Variants in PCDHA9 observed in about 807,000 individuals in gnomAD.
The protein encoded by PCDHA9 is protocadherin alpha 9.
Under a neutral mutation model 62.0 loss-of-function variants are expected in PCDHA9, and 62 were observed. The observed-to-expected ratio is 1.00, with a 90% CI of 0.81 to 1.23. PCDHA9 has a LOEUF of 1.23. PCDHA9 is among the 50% of genes most tolerant of loss of function. PCDHA9 has a pLI of 0.00. For synonymous variants in PCDHA9, 557 were observed against 567.6 expected, an observed-to-expected ratio of 0.98 and a Z score of 0.27; for missense variants, 1,205 against 1,249.8, an observed-to-expected ratio of 0.96 and a Z score of 0.54.
intron 1 of PCDHA9, chr5:140,857,954 C>G: frequency 6.3e-7 from 1 of 1,597,286 alleles, no homozygotes; most frequent in South Asian, 1.1e-5. Flanking sequence ...GACGCGCGCT[C>G]TGGATGAGAC....
chr5:140,850,733 G>T lies in PCDHA9; in HGVS notation c.2238G>T (p.Gly746=), dbSNP rs2150496499. 6.3e-7 allele frequency: 1 copy of T among 1,598,010 alleles called. No individual in the cohort carries two copies. The highest frequency in any genetic ancestry group is 2.2e-5 in the East Asian group (1 of 44,848). The change falls in exon 1 of 4, where the codon GGG becomes GGT. Residue 746 remains glycine, a synonymous_variant. Coordinates refer to ENST00000532602, the MANE Select transcript of PCDHA9 (RefSeq NM_031857.2). ...KPTLVCSSAV[G]SWSYSQQRRQ... ...CGCTGGTGTGTTCTAGCGCGGTGGG[G>T]AGTTGGTCGTACTCGCAGCAGAGGA... is the stretch of plus-strand genomic sequence containing the variant.
rs538135807 is a variant in PCDHA9, at chr5:140,873,663, T to C, written c.2394+22774T>C. On this transcript the variant is annotated intron_variant, in intron 1 of 3. Transcript: ENST00000532602. ...GTGAGAACTACATAACACACTATTA[T>C]TATTTGTTTCTTTTTGAGATAGAGT... Among the ~76,000 whole-genome samples the C allele has an allele frequency of 3.3e-5, 5 of 152,342 alleles. No individual in the cohort carries two copies. In the South Asian group the frequency reaches 1.0e-3, roughly 32 times the overall value.
chr5:140,876,784 A>T (rs1336979041), intron 1 of PCDHA9: 1 of 1,614,094 alleles, frequency 6.2e-7, no homozygotes, highest in Non-Finnish European at 8.5e-7. Flanking sequence ...GCTGTGGGCC[A>T]CGGCTAGAGT....
chr5:140,909,856 C>T (rs575107041), intron 1 of PCDHA9, among the ~76,000 whole-genome samples: 2 of 152,286 alleles, frequency 1.3e-5, no homozygotes, highest in South Asian at 2.1e-4. Context: ...TTTTCGGTCC[C>T]CTGGAGTCAA....
Position 140,966,357 on chromosome 5 carries a change from T to A in PCDHA9, c.2395-12592T>A, listed in dbSNP as rs3756326. ...AGGTCCAGGGTGAAGGAGATGGGGCTGGAGAGGCTGAGCAGTCCGGGTTCG... is the reference window on the plus strand; with the variant it reads ...AGGTCCAGGGTGAAGGAGATGGGGCAGGAGAGGCTGAGCAGTCCGGGTTCG... On this transcript the variant is annotated intron_variant, in intron 1 of 3. Coordinates refer to ENST00000532602, the MANE Select transcript of PCDHA9 (RefSeq NM_031857.2). The A allele has an allele frequency of 3.3e-4, 131 of 400,654 alleles. 3 individuals are homozygous for A. Among genetic ancestry groups the A allele is most frequent in the East Asian group, 2.0e-3 (56 of 27,900 alleles). The allele number at this position is 400,654 out of a possible 1,614,324, so 24.8% of individuals were successfully genotyped here.
At chr5:140,983,138 G>C (rs1217034245) in intron 3 of PCDHA9, among the ~76,000 whole-genome samples, 1 of 152,170 alleles carries the variant, frequency 6.6e-6, no homozygotes, top group Non-Finnish European at 1.5e-5. Flanking sequence ...CTGACTTTTA[G>C]TGCCTTGGCA....
intron 1 of PCDHA9, among the ~76,000 whole-genome samples, chr5:140,874,129 G>A (rs1400596915): frequency 6.6e-6 from 1 of 151,518 alleles, no homozygotes; most frequent in African/African-American, 2.5e-5. Context: ...GTTTATTTAA[G>A]TTATCTTATA....
intron 1 of PCDHA9, chr5:140,866,107 G>T (rs2049153150): frequency 6.6e-6 from 1 of 152,146 alleles, no homozygotes; most frequent in African/African-American, 2.4e-5. Flanking sequence ...GTAATTAAGA[G>T]TTGCCTTATA....
rs2150424631 is a variant in PCDHA9 at position 140,848,919 on chromosome 5, A to G, written c.424A>G (p.Ile142Val). ...VFPATQKNLF[I>V]AESRPLDSRF... ...CCCAGCGACACAAAAGAATCTGTTC[A>G]TCGCGGAATCCAGGCCGCTTGACTC... is the stretch of plus-strand genomic sequence containing the variant. Residue 142 changes from isoleucine (I) to valine (V), a missense_variant, in exon 1 of 4, where the codon ATC becomes GTC. Coordinates refer to ENST00000532602, the MANE Select transcript of PCDHA9 (RefSeq NM_031857.2). 5 of 1,608,020 alleles carry G rather than the reference A, an allele frequency of 3.1e-6. No homozygotes were observed. The South Asian group carries it at 5.5e-5, about 18-fold the overall frequency.
chr5:140,857,567 G>T (rs139473255), intron 1 of PCDHA9: 8 of 1,596,870 alleles, frequency 5.0e-6, no homozygotes, highest in African/African-American at 2.7e-5. Flanking sequence ...GTCGAGCTAC[G>T]TGTCGGTGCA....
intron 1 of PCDHA9, among the ~76,000 whole-genome samples, chr5:140,970,633 A>G (rs2096420540): frequency 6.6e-6 from 1 of 152,210 alleles, no homozygotes; most frequent in Admixed American, 6.5e-5. Context: ...AAAATTTTGT[A>G]CCATAAATAG....
intron 1 of PCDHA9, among the ~76,000 whole-genome samples, chr5:140,963,606 G>A (rs79307503): frequency 0.011 from 1,749 of 152,250 alleles, 32 homozygotes; most frequent in African/African-American, 0.039. Context: ...AGACGTAATT[G>A]GGAAAGCTTA....
intron 1 of PCDHA9, chr5:140,882,792 A>C (rs367665995): frequency 6.2e-7 from 1 of 1,614,144 alleles, no homozygotes; most frequent in Non-Finnish European, 8.5e-7. Flanking sequence ...CTGGATCCCA[A>C]CGATTATTTC....
intron 3 of PCDHA9, among the ~76,000 whole-genome samples, chr5:141,002,517 G>A (rs770473989): frequency 5.3e-5 from 8 of 152,208 alleles, no homozygotes; most frequent in Non-Finnish European, 8.8e-5. Flanking sequence ...GAGTCTCCTA[G>A]CTGGAGTCAG....
At chr5:140,859,113 T>C (rs1042936960) in intron 1 of PCDHA9, 1 of 150,138 alleles carries the variant, frequency 6.7e-6, no homozygotes, top group Non-Finnish European at 1.5e-5. Context: ...CAGAAGAAAA[T>C]GTATGTTTCT....
chr5:140,886,014 CTA>C (rs1317969139), intron 1 of PCDHA9, among the ~76,000 whole-genome samples: 1 of 152,078 alleles, frequency 6.6e-6, no homozygotes, highest in Non-Finnish European at 1.5e-5. Flanking sequence ...AAGGGAGATG[CTA>C]TGTATTCTTC....
At chr5:140,969,388 A>C in intron 1 of PCDHA9, 2 of 1,595,066 alleles carry the variant, frequency 1.3e-6, no homozygotes, top group Non-Finnish European at 1.7e-6. Context: ...CACATCCCCC[A>C]ATATCCTGTG....
intron 1 of PCDHA9, among the ~76,000 whole-genome samples, chr5:140,915,121 A>G (rs982484419): frequency 1.1e-4 from 16 of 151,600 alleles, no homozygotes; most frequent in African/African-American, 3.9e-4. Flanking sequence ...CCTAATTTTT[A>G]TATTTTTAGT....
chr5:140,852,885 A>ATTT, intron 1 of PCDHA9: 1 of 778,088 alleles, frequency 1.3e-6, no homozygotes, highest in Non-Finnish European at 1.6e-6. Context: ...CATAAAACGT[A>ATTT]TTTTTTTTTT....
Sources: allele counts gnomAD v4.1 joint callset (sites outside exome capture counted in the v4.1 genomes callset), GRCh38; gene constraint gnomAD v4.1.1; transcripts MANE v1.5; gene names NCBI Gene and HGNC (gene_info 2026-07-23, HGNC 2026-07-21).